The following STXBP5L variants were observed in gnomAD, a reference collection of about 807,000 sequenced individuals.
The protein encoded by STXBP5L is syntaxin-binding protein 5-like.
Under a neutral mutation model 144.5 loss-of-function variants are expected in STXBP5L, and 65 were observed. That is an observed-to-expected ratio of 0.45 (90% CI 0.37 to 0.55). The LOEUF (loss-of-function observed/expected upper bound fraction) is 0.55, where lower values mean the gene tolerates loss of function less well. STXBP5L is among the 20% of genes least tolerant of loss of function. STXBP5L has a pLI of 0.00. For missense variants in STXBP5L, 1,298 were observed against 1,405.5 expected, an observed-to-expected ratio of 0.92 and a Z score of 1.22; for synonymous variants, 505 against 469.6, an observed-to-expected ratio of 1.08 and a Z score of -0.97.
intron 5 of STXBP5L, among the ~76,000 whole-genome samples, chr3:121,072,152 C>A (rs1263043310): frequency 6.6e-6 from 1 of 152,194 alleles, no homozygotes; most frequent in Non-Finnish European, 1.5e-5. Flanking sequence ...GGAATAATGT[C>A]CTTTAGTAAG....
At chr3:121,326,601 T>C (rs2044157274) in intron 20 of STXBP5L, among the ~76,000 whole-genome samples, 1 of 152,132 alleles carries the variant, frequency 6.6e-6, no homozygotes, top group African/African-American at 2.4e-5. Context: ...TGGTATCTTC[T>C]GTATCAAGGA....
intron 5 of STXBP5L, among the ~76,000 whole-genome samples, chr3:121,082,659 A>T (rs2042306607): frequency 6.6e-6 from 1 of 152,198 alleles, no homozygotes. Context: ...TGTAAGCAGG[A>T]GGGACATGAC....
chr3:121,076,755 C>CT (rs1347390903), intron 5 of STXBP5L, among the ~76,000 whole-genome samples: 1 of 152,118 alleles, frequency 6.6e-6, no homozygotes, highest in Non-Finnish European at 1.5e-5. Context: ...CCATTAAAAC[C>CT]TTTTTTAAAG....
At chr3:121,374,395 C>CA (rs1047064633) in intron 20 of STXBP5L, among the ~76,000 whole-genome samples, 2 of 151,604 alleles carry the variant, frequency 1.3e-5, no homozygotes, top group African/African-American at 4.9e-5. Flanking sequence ...CATGTGAACA[C>CA]AAAAAATCAA....
At chr3:120,911,509 T>C (rs1708840463) in intron 2 of STXBP5L, among the ~76,000 whole-genome samples, 1 of 152,134 alleles carries the variant, frequency 6.6e-6, no homozygotes, top group South Asian at 2.1e-4. Context: ...AATAAGTGTA[T>C]CTGCTCTCCT....
intron 25 of STXBP5L, 105 bp downstream of exon 25, chr3:121,416,073 G>C (rs2047224631): frequency 1.2e-6 from 1 of 815,920 alleles, no homozygotes; most frequent in East Asian, 2.8e-5. Flanking sequence ...TCAAATTCTA[G>C]ACTACGTATT....
At chr3:120,927,687 C>G (rs570284554) in intron 2 of STXBP5L, among the ~76,000 whole-genome samples, 4 of 152,198 alleles carry the variant, frequency 2.6e-5, no homozygotes, top group African/African-American at 7.2e-5. Context: ...GGAGTTTTTT[C>G]ACTTCCCTGT....
intron 3 of STXBP5L, among the ~76,000 whole-genome samples, chr3:120,995,597 A>G (rs73187408): frequency 0.04 from 6,043 of 152,204 alleles, 166 homozygotes; most frequent in Middle Eastern, 0.082. Flanking sequence ...CGGTAGTACA[A>G]TAAACATGTA....
At chr3:121,389,680 T>A (rs1379264605) in intron 22 of STXBP5L, among the ~76,000 whole-genome samples, 1 of 152,224 alleles carries the variant, frequency 6.6e-6, no homozygotes, top group African/African-American at 2.4e-5. Context: ...TCAGTTTCCA[T>A]GTAGTTGTGT....
intron 5 of STXBP5L, among the ~76,000 whole-genome samples, chr3:121,059,566 A>G (rs1560074163): frequency 6.6e-6 from 1 of 152,206 alleles, no homozygotes; most frequent in African/African-American, 2.4e-5. Context: ...TACTTTGGTC[A>G]GTATGGCCAT....
intron 5 of STXBP5L, among the ~76,000 whole-genome samples, chr3:121,111,114 G>T (rs562210058): frequency 2.6e-5 from 4 of 152,082 alleles, no homozygotes; most frequent in Non-Finnish European, 5.9e-5. Context: ...CTCTAAACTG[G>T]TTATTCTGGT....
In STXBP5L at chr3:121,121,775, A is replaced by T. The variant is rs115321713; in HGVS notation, c.669+71A>T. 4.4e-6 allele frequency: 5 copies of T among 1,146,028 alleles called. No homozygotes were observed. In the Admixed American group the frequency reaches 7.2e-5, roughly 17 times the overall value. The allele number at this position is 1,146,028 out of a possible 1,614,324, so 71.0% of individuals were successfully genotyped here. ...TTGAAAAAAGGTGTTTCTTACTATTATTTTATATCTAGTATCTAGCCCAGT... is the reference window on the plus strand; with the variant it reads ...TTGAAAAAAGGTGTTTCTTACTATTTTTTTATATCTAGTATCTAGCCCAGT... On this transcript the variant is annotated intron_variant, in intron 7 of 26. Coordinates refer to ENST00000471454, the MANE Select transcript of STXBP5L (RefSeq NM_001308330.2).
At chr3:121,093,114 G>A (rs180754292) in intron 5 of STXBP5L, among the ~76,000 whole-genome samples, 2 of 152,200 alleles carry the variant, frequency 1.3e-5, no homozygotes, top group African/African-American at 4.8e-5. Context: ...GCATCCCAGG[G>A]ATGAAGCCCA....
intron 9 of STXBP5L, among the ~76,000 whole-genome samples, chr3:121,198,788 T>C (rs905010911): frequency 1.3e-5 from 2 of 152,156 alleles, no homozygotes; most frequent in African/African-American, 2.4e-5. Context: ...GAAGATCAGA[T>C]GGTTGTAGGT....
chr3:121,281,345 C>G (rs1559932597), intron 19 of STXBP5L, among the ~76,000 whole-genome samples: 1 of 151,960 alleles, frequency 6.6e-6, no homozygotes, highest in Non-Finnish European at 1.5e-5. Context: ...TTGCCTCTAT[C>G]ACTACCAGAT....
chr3:121,350,748 G>A (rs947809311), intron 20 of STXBP5L, among the ~76,000 whole-genome samples: 2 of 151,864 alleles, frequency 1.3e-5, no homozygotes, highest in East Asian at 1.9e-4. Flanking sequence ...CCAGTTGATC[G>A]AATCAGCTAC....
intron 3 of STXBP5L, among the ~76,000 whole-genome samples, chr3:121,014,948 A>C (rs1454579304): frequency 6.6e-6 from 1 of 152,098 alleles, no homozygotes; most frequent in Non-Finnish European, 1.5e-5. Context: ...CTTAGGGATA[A>C]TTGAACAAAG....
intron 19 of STXBP5L, among the ~76,000 whole-genome samples, chr3:121,287,964 C>T (rs112670695): frequency 2.6e-5 from 4 of 152,234 alleles, no homozygotes; most frequent in South Asian, 2.1e-4. Context: ...CATTCCAAAT[C>T]GATTTGTTGT....
At position 121,188,074 on chromosome 3, in the gene STXBP5L, C is replaced by G. The variant is rs200953596; in HGVS notation, c.878-17849C>G. ...ACTTACAAAGAGACTTAGACTCCCA[C>G]ACAATGTTAGTGGGAAAATTTAACA... On this transcript the variant is annotated intron_variant, in intron 9 of 26. Coordinates refer to ENST00000471454, the MANE Select transcript of STXBP5L (RefSeq NM_001308330.2). Among the ~76,000 whole-genome samples, 5 of 152,254 alleles carry G rather than the reference C, an allele frequency of 3.3e-5. No homozygotes were observed. The East Asian group carries it at 9.6e-4, about 29-fold the overall frequency.
Sources: allele counts gnomAD v4.1 joint callset (sites outside exome capture counted in the v4.1 genomes callset), GRCh38; gene constraint gnomAD v4.1.1; transcripts MANE v1.5; gene names NCBI Gene and HGNC (gene_info 2026-07-23, HGNC 2026-07-21).